Variants in PLD5 observed in about 807,000 individuals in gnomAD.
PLD5 encodes the protein inactive phospholipase D5.
PLD5 carries 36 observed loss-of-function variants against 61.1 expected under a neutral mutation model. The observed-to-expected ratio is 0.59, with a 90% CI of 0.45 to 0.78. The LOEUF is 0.78. PLD5 is among the 30% of genes least tolerant of loss of function. The pLI is 0.00. For missense variants in PLD5, 515 were observed against 644.4 expected, an observed-to-expected ratio of 0.80 and a Z score of 2.17; for synonymous variants, 243 against 242.8, an observed-to-expected ratio of 1.00 and a Z score of -0.01.
chr1:242,261,248 T>A (rs1298345217), intron 4 of PLD5, among the ~76,000 whole-genome samples: 3 of 152,208 alleles, frequency 2.0e-5, no homozygotes, highest in African/African-American at 7.2e-5. Flanking sequence ...TTTTTAACAA[T>A]GATGCCTCGA....
chr1:242,297,814 T>G (rs1373124474), intron 2 of PLD5, among the ~76,000 whole-genome samples: 1 of 150,644 alleles, frequency 6.6e-6, no homozygotes, highest in African/African-American at 2.4e-5. Context: ...TAATTTTTTG[T>G]ATTTTTAGTA....
At chr1:242,251,165 T>C (rs1672678962) in intron 4 of PLD5, among the ~76,000 whole-genome samples, 1 of 152,150 alleles carries the variant, frequency 6.6e-6, no homozygotes, top group Non-Finnish European at 1.5e-5. Flanking sequence ...AGTTGAATAT[T>C]TGTGCCTGGA....
chr1:242,176,250 G>A (rs969866814), intron 5 of PLD5, among the ~76,000 whole-genome samples: 1 of 152,088 alleles, frequency 6.6e-6, no homozygotes, highest in East Asian at 1.9e-4. Flanking sequence ...ATAGAACAAT[G>A]GAACAGAACA....
intron 1 of PLD5, among the ~76,000 whole-genome samples, chr1:242,473,639 AGT>A: frequency 6.6e-6 from 1 of 152,318 alleles, no homozygotes; most frequent in South Asian, 2.1e-4. Flanking sequence ...AATCTTGCAG[AGT>A]GTATACACGA....
chr1:242,379,142 A>C (rs1471684962), intron 1 of PLD5, among the ~76,000 whole-genome samples: 1 of 152,168 alleles, frequency 6.6e-6, no homozygotes, highest in Admixed American at 6.5e-5. Flanking sequence ...GCAGACATGG[A>C]GTAACGAGGC....
At chr1:242,384,734 A>G (rs976508686) in intron 1 of PLD5, among the ~76,000 whole-genome samples, 5 of 152,188 alleles carry the variant, frequency 3.3e-5, no homozygotes, top group Non-Finnish European at 7.4e-5. Flanking sequence ...GTTACCACCT[A>G]TTTCTCCTTA....
intron 5 of PLD5, among the ~76,000 whole-genome samples, chr1:242,171,727 AAG>A (rs1553315287): frequency 2.0e-5 from 3 of 151,908 alleles, no homozygotes; most frequent in African/African-American, 4.8e-5. Flanking sequence ...GAAAAAAAAA[AAG>A]AGCAGGAGTT....
intron 1 of PLD5, among the ~76,000 whole-genome samples, chr1:242,439,200 G>A (rs577386380): frequency 5.9e-5 from 9 of 152,160 alleles, no homozygotes; most frequent in Non-Finnish European, 1.2e-4. Context: ...AGCAAAGTTT[G>A]TTTCTTGTTC....
At chr1:242,152,860 G>C (rs1665043544) in intron 5 of PLD5, among the ~76,000 whole-genome samples, 1 of 152,108 alleles carries the variant, frequency 6.6e-6, no homozygotes, top group Admixed American at 6.5e-5. Context: ...ATAATCCTTT[G>C]GGTATATATC....
chr1:242,190,136 T>A (rs1021502554), intron 5 of PLD5, among the ~76,000 whole-genome samples: 2 of 119,626 alleles, frequency 1.7e-5, no homozygotes, highest in African/African-American at 3.2e-5. Context: ...CTGACAGGAC[T>A]CCTTTTTTTT....
intron 4 of PLD5, among the ~76,000 whole-genome samples, chr1:242,230,225 C>T (rs1438273721): frequency 1.3e-5 from 2 of 152,180 alleles, no homozygotes; most frequent in Non-Finnish European, 2.9e-5. Context: ...AATGCAACCA[C>T]TATTTTAATT....
intron 5 of PLD5, among the ~76,000 whole-genome samples, chr1:242,148,202 T>A (rs1345396048): frequency 1.3e-5 from 2 of 151,100 alleles, no homozygotes. Flanking sequence ...TTGCATAAAG[T>A]ATGAATCTAG....
intron 5 of PLD5, among the ~76,000 whole-genome samples, chr1:242,200,005 C>T (rs1163654049): frequency 6.6e-6 from 1 of 152,168 alleles, no homozygotes; most frequent in Non-Finnish European, 1.5e-5. Context: ...TTGCCCAGAG[C>T]TAAGAGTTTA....
At chr1:242,264,603 T>C (rs1175292299) in intron 4 of PLD5, among the ~76,000 whole-genome samples, 3 of 152,182 alleles carry the variant, frequency 2.0e-5, no homozygotes, top group African/African-American at 7.2e-5. Flanking sequence ...GGAACATGAA[T>C]GACTCACTGA....
At chr1:242,255,710 T>C (rs1456363886) in intron 4 of PLD5, among the ~76,000 whole-genome samples, 1 of 152,188 alleles carries the variant, frequency 6.6e-6, no homozygotes, top group Non-Finnish European at 1.5e-5. Flanking sequence ...TTATCAATGA[T>C]GAATGAGTAC....
intron 3 of PLD5, among the ~76,000 whole-genome samples, chr1:242,286,113 A>C (rs1675007394): frequency 6.6e-6 from 1 of 152,086 alleles, no homozygotes; most frequent in South Asian, 2.1e-4. Flanking sequence ...TGTCTCCAAA[A>C]ATAAAATAAA....
chr1:242,275,409 A>G (rs1292102042), intron 3 of PLD5, among the ~76,000 whole-genome samples: 1 of 152,134 alleles, frequency 6.6e-6, no homozygotes. Context: ...CTGAATTTTT[A>G]GTTTGTAGGA....
At chr1:242,265,919 T>C (rs1673643393) in intron 3 of PLD5, among the ~76,000 whole-genome samples, 1 of 152,236 alleles carries the variant, frequency 6.6e-6, no homozygotes, top group Admixed American at 6.5e-5. Flanking sequence ...TTTTGTGAGA[T>C]TAAAGAAGTT....
At chr1:242,352,201 T>C (rs1660516057) in intron 1 of PLD5, among the ~76,000 whole-genome samples, 3 of 152,184 alleles carry the variant, frequency 2.0e-5, no homozygotes, top group African/African-American at 7.2e-5. Flanking sequence ...TTGATTATCA[T>C]CTCCTCATCC....
Sources: allele counts gnomAD v4.1 joint callset (sites outside exome capture counted in the v4.1 genomes callset), GRCh38; gene constraint gnomAD v4.1.1; transcripts MANE v1.5; gene names NCBI Gene and HGNC (gene_info 2026-07-23, HGNC 2026-07-21).